Variants in TACC1 observed in about 807,000 individuals in gnomAD.
TACC1 encodes the protein transforming acidic coiled-coil-containing protein 1.
In TACC1, 48 loss-of-function variants were observed where a neutral mutation model predicts 84.4. The observed-to-expected ratio is 0.57, with a 90% CI of 0.45 to 0.72. TACC1 has a LOEUF of 0.72. Among genes scored for constraint, TACC1 ranks in the 30% least tolerant of loss-of-function variants. TACC1 has a pLI of 0.00. For missense variants in TACC1, 920 were observed against 973.0 expected (o/e 0.95, Z 0.72); for synonymous variants, 372 against 376.3 (o/e 0.99, Z 0.13).
chr8:38,736,351 A>G (rs1563743600), intron 1 of TACC1, among the ~76,000 whole-genome samples: 2 of 152,240 alleles, frequency 1.3e-5, no homozygotes, highest in East Asian at 1.9e-4. Flanking sequence ...GTGGTGGCTC[A>G]TGCCTATAAT....
At chr8:38,809,140 G>C (rs1186559904) in intron 2 of TACC1, among the ~76,000 whole-genome samples, 1 of 152,018 alleles carries the variant, frequency 6.6e-6, no homozygotes, top group Admixed American at 6.6e-5. Flanking sequence ...CACCATGACA[G>C]GGCCATGCGT....
At chr8:38,804,842 A>T (rs1233855364) in intron 2 of TACC1, among the ~76,000 whole-genome samples, 2 of 152,108 alleles carry the variant, frequency 1.3e-5, no homozygotes, top group Non-Finnish European at 2.9e-5. Context: ...GGCCCAAGTG[A>T]TCCCCCCTAC....
intron 3 of TACC1, among the ~76,000 whole-genome samples, chr8:38,762,078 A>G (rs563951828): frequency 6.6e-6 from 1 of 152,348 alleles, no homozygotes; most frequent in Non-Finnish European, 1.5e-5. Context: ...AATAATGGGA[A>G]GAAAAATCCC....
intron 3 of TACC1, among the ~76,000 whole-genome samples, chr8:38,772,051 G>GAGGA (rs1813738524): frequency 6.6e-6 from 1 of 151,922 alleles, no homozygotes; most frequent in African/African-American, 2.4e-5. Flanking sequence ...GAGAGAGAGA[G>GAGGA]AGGAAGGAAG....
chr8:38,733,608 A>C (rs1805394096), intron 1 of TACC1, among the ~76,000 whole-genome samples: 1 of 152,038 alleles, frequency 6.6e-6, no homozygotes, highest in Non-Finnish European at 1.5e-5. Flanking sequence ...GAATTTTCAG[A>C]ACAATTCCTA....
At chr8:38,836,036 C>G in intron 6 of TACC1, 126 bp from the exon 7 acceptor site, 1 of 1,316,686 alleles carries the variant, frequency 7.6e-7, no homozygotes, top group Non-Finnish European at 1.0e-6. Flanking sequence ...AGCTTCCCCC[C>G]GCTGACTTTT....
intron 3 of TACC1, among the ~76,000 whole-genome samples, chr8:38,754,309 A>G (rs1489694177): frequency 6.6e-6 from 1 of 152,072 alleles, no homozygotes; most frequent in East Asian, 1.9e-4. Flanking sequence ...CTGCACTAAT[A>G]GTAGTAAGAT....
chr8:38,834,794 C>T (rs921281559), intron 6 of TACC1, among the ~76,000 whole-genome samples: 4 of 152,176 alleles, frequency 2.6e-5, no homozygotes, highest in African/African-American at 9.7e-5. Flanking sequence ...CACTCATCTA[C>T]GTTCACCTTG....
At chr8:38,738,561 A>G (rs558731836) in intron 1 of TACC1, among the ~76,000 whole-genome samples, 15 of 152,170 alleles carry the variant, frequency 9.9e-5, no homozygotes, top group Admixed American at 1.3e-4. Flanking sequence ...TTGTTGCTCA[A>G]ATTGTTCCAG....
chr8:38,738,993 C>T (rs976611758), intron 1 of TACC1, among the ~76,000 whole-genome samples: 3 of 152,128 alleles, frequency 2.0e-5, no homozygotes, highest in South Asian at 2.1e-4. Context: ...CAGGTTCAAG[C>T]GATTCTCCTG....
intron 5 of TACC1, among the ~76,000 whole-genome samples, chr8:38,828,717 G>A (rs961263658): frequency 9.2e-5 from 14 of 152,174 alleles, no homozygotes; most frequent in African/African-American, 3.4e-4. Flanking sequence ...AAAGGGGGCA[G>A]GAGAGGGGCC....
At chr8:38,811,338 C>G (rs1385094426) in intron 2 of TACC1, among the ~76,000 whole-genome samples, 1 of 152,128 alleles carries the variant, frequency 6.6e-6, no homozygotes, top group South Asian at 2.1e-4. Flanking sequence ...ACTTACAAAT[C>G]ATCTTTGCTA....
intron 3 of TACC1, among the ~76,000 whole-genome samples, chr8:38,760,684 C>T (rs1811044574): frequency 3.3e-5 from 5 of 152,006 alleles, no homozygotes; most frequent in South Asian, 4.1e-4. Context: ...CCACCATGCC[C>T]GGCTAGTTTT....
intron 3 of TACC1, among the ~76,000 whole-genome samples, chr8:38,762,552 C>G (rs970330983): frequency 1.4e-5 from 2 of 147,446 alleles, no homozygotes; most frequent in Non-Finnish European, 3.0e-5. Flanking sequence ...CACCTTTTGG[C>G]TTTTTTTTTT....
chr8:38,849,258 TGAGAA>T lies in TACC1; in HGVS notation c.*1239_*1243del, dbSNP rs1832792294. 1 of 152,216 alleles carries T rather than the reference TGAGAA, an allele frequency of 6.6e-6. No individual in the cohort carries two copies. The allele number at this position is 152,216 out of a possible 1,614,324, so 9.4% of individuals were successfully genotyped here. A position where few individuals can be genotyped will look rare whatever the true frequency, so the allele number is the denominator to read the frequency against. On this transcript the variant is annotated 3_prime_UTR_variant, in exon 13 of 13. Transcript: ENST00000317827. ...TAAACAAAGACAGCTTGTTGAATAC[TGAGAA>T]GAGGAGTGCAAGGAGAAGGTCTGTA...
chr8:38,815,118 A>T (rs998443024), intron 2 of TACC1, among the ~76,000 whole-genome samples: 1 of 152,204 alleles, frequency 6.6e-6, no homozygotes, highest in Non-Finnish European at 1.5e-5. Context: ...ATGCCACACC[A>T]TCCACTCCTG....
intron 3 of TACC1, among the ~76,000 whole-genome samples, chr8:38,750,792 T>G (rs1211251360): frequency 6.6e-6 from 1 of 152,222 alleles, no homozygotes; most frequent in Admixed American, 6.5e-5. Flanking sequence ...CAGGAAGATC[T>G]GCATAAATGA....
intron 3 of TACC1, among the ~76,000 whole-genome samples, chr8:38,771,455 C>G (rs11776867): frequency 1.3e-5 from 2 of 151,978 alleles, no homozygotes; most frequent in African/African-American, 4.8e-5. Flanking sequence ...GAATAGCAAA[C>G]GATGTTCAGT....
At chr8:38,760,826 A>G (rs1811070206) in intron 3 of TACC1, among the ~76,000 whole-genome samples, 2 of 152,116 alleles carry the variant, frequency 1.3e-5, no homozygotes, top group Admixed American at 1.3e-4. Flanking sequence ...CTGGCCTCAG[A>G]CCTAATTTTT....
Sources: allele counts gnomAD v4.1 joint callset (sites outside exome capture counted in the v4.1 genomes callset), GRCh38; gene constraint gnomAD v4.1.1; transcripts MANE v1.5; gene names NCBI Gene and HGNC (gene_info 2026-07-23, HGNC 2026-07-21).